Variants in CCT7 observed in about 807,000 individuals in gnomAD.
CCT7 encodes the protein T-complex protein 1 subunit eta.
A neutral mutation model predicts 56.6 loss-of-function variants in CCT7; 16 were observed. That is an observed-to-expected ratio of 0.28 (90% CI 0.19 to 0.43). The LOEUF is 0.43. Ranked by LOEUF, CCT7 falls within the 20% of genes least tolerant of loss-of-function variation. The probability of loss-of-function intolerance (pLI) is 1.00; values close to 1 mark genes in which losing one functional copy is unlikely to be tolerated. For missense variants in CCT7, 519 were observed against 685.6 expected (o/e 0.76, Z 2.71); for synonymous variants, 262 against 254.8 (o/e 1.03, Z -0.27).
At chr2:73,250,531 A>G in intron 10 of CCT7, 93 bp downstream of exon 10, 1 of 1,434,782 alleles carries the variant, frequency 7.0e-7, no homozygotes, top group East Asian at 2.3e-5. Flanking sequence ...TTCCTTCTCT[A>G]TATAACCTGC....
At position 73,251,551 on chromosome 2, in the gene CCT7, C is replaced by A. The variant is rs531567874; in HGVS notation, c.1410+119C>A. ...CCAGGAGATAGGCTGCAACTCCCCC[C>A]AGCCTGTCTGCCTGACCAACTCCCT... On this transcript the variant is annotated intron_variant, in intron 11 of 11. Coordinates refer to ENST00000258091, the MANE Select transcript of CCT7 (RefSeq NM_006429.4). 1.2e-4 allele frequency: 103 copies of A among 840,552 alleles called. 1 individual carries two copies. The South Asian group carries it at 1.6e-3, about 13-fold the overall frequency. The allele number at this position is 840,552 out of a possible 1,614,324, so 52.1% of individuals were successfully genotyped here. A position where few individuals can be genotyped will look rare whatever the true frequency, so the allele number is the denominator to read the frequency against.
intron 1 of CCT7, 29 bp from the exon 2 acceptor site, chr2:73,239,614 T>C (rs770447689): frequency 1.5e-5 from 24 of 1,605,900 alleles, no homozygotes; most frequent in Non-Finnish European, 2.0e-5. Context: ...AGATGATTAT[T>C]AAAAGCAGTT....
At chr2:73,239,442 G>T (rs1261280985) in intron 1 of CCT7, 2 of 563,070 alleles carry the variant, frequency 3.6e-6, no homozygotes, top group Non-Finnish European at 6.3e-6. Context: ...TAGCATACCT[G>T]CAGGGTAGGC....
intron 11 of CCT7, among the ~76,000 whole-genome samples, chr2:73,251,678 C>T (rs1256412746): frequency 2.6e-5 from 4 of 152,194 alleles, no homozygotes; most frequent in East Asian, 3.9e-4. Flanking sequence ...CGGTGGCTCA[C>T]GCCTGTAATC....
At position 73,243,104 on chromosome 2, in the gene CCT7, G is replaced by C. The variant is rs778347588; in HGVS notation, c.368G>C (p.Arg123Pro). The C allele has an allele frequency of 3.1e-6, 5 of 1,613,842 alleles. No individual in the cohort carries two copies. The highest frequency in any genetic ancestry group is 1.7e-5 in the Admixed American group (1 of 59,992). The change falls in exon 4 of 12, where the codon CGA becomes CCA. Residue 123 changes from arginine (R) to proline (P), a missense_variant. Arg to Pro is a moderately radical substitution (Grantham distance 103). Coordinates refer to ENST00000258091, the MANE Select transcript of CCT7 (RefSeq NM_006429.4). ...GGTTTACACCCCCAGATCATCATTC[G>C]AGCTTTCCGCACAGCCACCCAGCTG... is the stretch of plus-strand genomic sequence containing the variant. ...EEGLHPQIII[R>P]AFRTATQLAV...
chr2:73,239,935 A>G (rs1435657058), intron 2 of CCT7, 139 bp downstream of exon 2: 51 of 738,554 alleles, frequency 6.9e-5, no homozygotes, highest in Middle Eastern at 5.8e-4. Context: ...AGCAGTTCCA[A>G]TTCTTATATT....
intron 1 of CCT7, 120 bp from the exon 2 acceptor site, chr2:73,239,523 G>A (rs1372749197): frequency 3.5e-6 from 3 of 849,518 alleles, no homozygotes; most frequent in Non-Finnish European, 5.4e-6. Flanking sequence ...GGGGGAATGT[G>A]GTTTAAGAAG....
intron 6 of CCT7, among the ~76,000 whole-genome samples, chr2:73,245,716 C>G (rs1687305298): frequency 6.6e-6 from 1 of 152,144 alleles, no homozygotes; most frequent in Admixed American, 6.5e-5. Context: ...TGAAAGATAG[C>G]CTGGCCCTTC....
intron 6 of CCT7, among the ~76,000 whole-genome samples, chr2:73,247,434 G>A (rs1687389414): frequency 6.6e-6 from 1 of 152,154 alleles, no homozygotes; most frequent in Admixed American, 6.5e-5. Flanking sequence ...CTTTTTGGAA[G>A]TTTGTACAGC....
At chr2:73,242,578 C>T (rs1365372600) in intron 3 of CCT7, among the ~76,000 whole-genome samples, 1 of 152,250 alleles carries the variant, frequency 6.6e-6, no homozygotes, top group Non-Finnish European at 1.5e-5. Flanking sequence ...CCGTGCCCAG[C>T]CACCTTTTGC....
At chr2:73,234,557 C>A (rs1246967759) in intron 1 of CCT7, among the ~76,000 whole-genome samples, 173 bp downstream of exon 1, 1 of 152,220 alleles carries the variant, frequency 6.6e-6, no homozygotes, top group African/African-American at 2.4e-5. Flanking sequence ...GGCCCGAGCA[C>A]GGCGCTGGAG....
rs1310517476 is a variant in CCT7 at position 73,249,931 on chromosome 2, C to T, written c.1070+15C>T. The T allele has an allele frequency of 1.1e-5, 18 of 1,572,908 alleles. No homozygotes were observed. The highest frequency in any genetic ancestry group is 1.6e-5 in the Non-Finnish European group (18 of 1,142,314). ...GGAGGCGAGAGGTGAGCCGTGGGCC[C>T]AGGCCGAGCTCACAAACCTGCCTGG... is the stretch of plus-strand genomic sequence containing the variant. On this transcript the variant is annotated intron_variant, in intron 9 of 11. Coordinates refer to ENST00000258091, the MANE Select transcript of CCT7 (RefSeq NM_006429.4).
chr2:73,248,862 G>A (rs1208903896), intron 7 of CCT7, 129 bp from the exon 8 acceptor site: 3 of 728,646 alleles, frequency 4.1e-6, no homozygotes, highest in African/African-American at 1.8e-5. Context: ...TAGCTATTCT[G>A]TTTATCTCTG....
In CCT7 at chr2:73,250,362, G is replaced by A; in HGVS notation, c.1127G>A (p.Gly376Asp). The change falls in exon 10 of 12, where the codon GGC becomes GAC. Residue 376 changes from glycine to aspartate, a missense_variant. Gly to Asp is a moderately conservative substitution (Grantham distance 94). This residue lies in a region of CCT7 where 237 missense variants were observed against 300.8 expected (regional missense o/e 0.79). Coordinates refer to ENST00000258091, the MANE Select transcript of CCT7 (RefSeq NM_006429.4). Reference protein sequence around the residue: ...KAKTCTFILRGGAEQFMEETE... With the variant: ...KAKTCTFILRDGAEQFMEETE... ...AAGACATGCACCTTCATTCTCCGTG[G>A]CGGCGCCGAGCAGTTTATGGAGGAG... 6.2e-7 allele frequency: 1 copy of A among 1,614,132 alleles called. No individual in the cohort carries two copies. The highest frequency in any genetic ancestry group is 8.5e-7 in the Non-Finnish European group (1 of 1,180,012).
chr2:73,247,693 G>A (rs1415540745), intron 6 of CCT7, 69 bp from the exon 7 acceptor site: 1 of 1,437,932 alleles, frequency 7.0e-7, no homozygotes, highest in Non-Finnish European at 9.6e-7. Flanking sequence ...GCACTAGCCA[G>A]CAAACAACTA....
intron 1 of CCT7, among the ~76,000 whole-genome samples, chr2:73,235,282 G>T (rs961694364): frequency 2.0e-5 from 3 of 152,124 alleles, no homozygotes; most frequent in Non-Finnish European, 4.4e-5. Context: ...GTATCTCCTG[G>T]GTTGTTATTG....
intron 6 of CCT7, among the ~76,000 whole-genome samples, chr2:73,245,510 ATT>A (rs1261031050): frequency 6.6e-6 from 1 of 152,214 alleles, no homozygotes; most frequent in Non-Finnish European, 1.5e-5. Context: ...TTTTATTTCC[ATT>A]TAAATGGCAA....
Position 73,247,840 on chromosome 2 carries a change from C to A in CCT7, c.697C>A (p.His233Asn), listed in dbSNP as rs1275658566. The A allele has an allele frequency of 1.2e-6, 2 of 1,613,930 alleles. No homozygotes were observed. Among genetic ancestry groups the A allele is most frequent in the African/African-American group, 2.7e-5 (2 of 74,878 alleles). Reference sequence around the variant, plus strand: ...GTTTGAAATGCAACCCAAAAAGTACCACAATCCCAAGATTGCCCTTTTGAA... The same window carrying A: ...GTTTGAAATGCAACCCAAAAAGTACAACAATCCCAAGATTGCCCTTTTGAA... ...AGFEMQPKKY[H>N]NPKIALLNVE... is the part of the protein sequence containing the mutation. The change falls in exon 7 of 12, where the codon CAC (histidine) becomes AAC (asparagine). Residue 233 changes from histidine (H) to asparagine (N), a missense_variant. Physicochemically the swap from His to Asn is moderately conservative, Grantham distance 68. Transcript: ENST00000258091.
intron 5 of CCT7, chr2:73,244,326 A>G (rs978002662): frequency 3.3e-6 from 2 of 603,422 alleles, no homozygotes; most frequent in Non-Finnish European, 5.8e-6. Flanking sequence ...CACAGAGCAC[A>G]AAAGAAGCTG....
Sources: gnomAD v4.1 joint callset for allele counts (sites outside exome capture counted in the v4.1 genomes callset) on GRCh38, gnomAD v4.1.1 for gene constraint, gnomAD v4.1.1 regional missense constraint, MANE v1.5 for transcripts, NCBI Gene and HGNC (gene_info 2026-07-23, HGNC 2026-07-21) for gene names.